Variants in SPAG16 observed in about 807,000 individuals in gnomAD.
SPAG16 encodes sperm associated antigen 16, also known as sperm-associated antigen 16 protein.
A neutral mutation model predicts 80.4 loss-of-function variants in SPAG16; 86 were observed. The ratio of observed to expected loss-of-function variants is 1.07; its 90% confidence interval spans 0.90 to 1.28. SPAG16 has a LOEUF of 1.28. Among genes scored for constraint, SPAG16 ranks in the 50% most tolerant of loss-of-function variants. The pLI is 0.00. For synonymous variants in SPAG16, 294 were observed against 265.9 expected (o/e 1.11, Z -1.03); for missense variants, 870 against 765.3 (o/e 1.14, Z -1.61).
At chr2:214,315,448 A>C (rs1030175811) in intron 15 of SPAG16, among the ~76,000 whole-genome samples, 1 of 152,168 alleles carries the variant, frequency 6.6e-6, no homozygotes, top group Admixed American at 6.5e-5. Context: ...ATCTAAGGAA[A>C]GAATTCGGTT....
intron 8 of SPAG16, among the ~76,000 whole-genome samples, chr2:213,368,749 C>A (rs1470218917): frequency 2.0e-5 from 3 of 152,136 alleles, no homozygotes; most frequent in African/African-American, 7.2e-5. Context: ...GCAAAAATCA[C>A]AAGTATTCTT....
At chr2:213,390,249 T>C (rs567807930) in intron 9 of SPAG16, among the ~76,000 whole-genome samples, 1 of 152,286 alleles carries the variant, frequency 6.6e-6, no homozygotes, top group Non-Finnish European at 1.5e-5. Context: ...GAGGAGTTAC[T>C]GTTTAATGAG....
chr2:214,021,298 G>A (rs766782901), intron 13 of SPAG16, among the ~76,000 whole-genome samples: 1 of 152,170 alleles, frequency 6.6e-6, no homozygotes, highest in African/African-American at 2.4e-5. Context: ...TCACGCTGCT[G>A]ATAAAGACAT....
chr2:214,069,852 G>A (rs1167896713), intron 13 of SPAG16, among the ~76,000 whole-genome samples: 1 of 151,928 alleles, frequency 6.6e-6, no homozygotes, highest in Non-Finnish European at 1.5e-5. Context: ...ATATCAGATA[G>A]ACAACAGACA....
chr2:213,965,378 T>A (rs942408680), intron 12 of SPAG16, among the ~76,000 whole-genome samples: 1 of 152,212 alleles, frequency 6.6e-6, no homozygotes, highest in African/African-American at 2.4e-5. Flanking sequence ...CCTTTTAATT[T>A]TCTGGTTGGT....
intron 12 of SPAG16, among the ~76,000 whole-genome samples, chr2:213,974,828 T>C (rs1179175701): frequency 6.6e-6 from 1 of 151,722 alleles, no homozygotes; most frequent in Non-Finnish European, 1.5e-5. Flanking sequence ...AACCAGCAAA[T>C]GGTAGAGCTG....
chr2:213,953,671 T>G (rs1300866295), intron 12 of SPAG16, among the ~76,000 whole-genome samples: 2 of 151,932 alleles, frequency 1.3e-5, no homozygotes, highest in Admixed American at 1.3e-4. Flanking sequence ...TCATAAAGTT[T>G]ACCAGATTTT....
intron 10 of SPAG16, among the ~76,000 whole-genome samples, chr2:213,628,896 G>A (rs1361946908): frequency 1.3e-5 from 2 of 152,058 alleles, no homozygotes; most frequent in Non-Finnish European, 2.9e-5. Flanking sequence ...TGTCTGTTAA[G>A]CGTGTTGTTT....
At chr2:213,762,338 C>T (rs1218870851) in intron 10 of SPAG16, among the ~76,000 whole-genome samples, 1 of 152,058 alleles carries the variant, frequency 6.6e-6, no homozygotes, top group Non-Finnish European at 1.5e-5. Flanking sequence ...CTGAACTGTA[C>T]ACTTAAAATA....
chr2:213,755,372 G>T (rs1277508846), intron 10 of SPAG16, among the ~76,000 whole-genome samples: 1 of 152,080 alleles, frequency 6.6e-6, no homozygotes, highest in Non-Finnish European at 1.5e-5. Flanking sequence ...AGTCATAGGT[G>T]TCTGTGTAAT....
intron 10 of SPAG16, among the ~76,000 whole-genome samples, chr2:213,702,320 G>A (rs1255237037): frequency 6.6e-6 from 1 of 152,226 alleles, no homozygotes. Flanking sequence ...CAACCCGCTT[G>A]GGTCTCTTTT....
At chr2:213,887,876 A>G (rs886930018) in intron 11 of SPAG16, among the ~76,000 whole-genome samples, 25 of 151,764 alleles carry the variant, frequency 1.6e-4, no homozygotes, top group Non-Finnish European at 1.9e-4. Flanking sequence ...CACTTTTTCT[A>G]TTTAGGTTGT....
At chr2:214,143,024 T>A (rs2055441436) in intron 14 of SPAG16, among the ~76,000 whole-genome samples, 1 of 152,168 alleles carries the variant, frequency 6.6e-6, no homozygotes, top group South Asian at 2.1e-4. Context: ...CCTCAAACTC[T>A]TCAAGGCCTC....
At chr2:214,197,028 A>C (rs1436329688) in intron 15 of SPAG16, among the ~76,000 whole-genome samples, 1 of 152,008 alleles carries the variant, frequency 6.6e-6, no homozygotes, top group East Asian at 1.9e-4. Context: ...TTAAAGGCTT[A>C]AATGGCCCTG....
At chr2:214,058,599 A>G (rs780928907) in intron 13 of SPAG16, among the ~76,000 whole-genome samples, 2 of 152,130 alleles carry the variant, frequency 1.3e-5, no homozygotes, top group Non-Finnish European at 2.9e-5. Context: ...GCAGACGGCA[A>G]AATATTGCTG....
At chr2:213,441,515 C>T (rs1559136410) in intron 9 of SPAG16, among the ~76,000 whole-genome samples, 1 of 152,132 alleles carries the variant, frequency 6.6e-6, no homozygotes, top group African/African-American at 2.4e-5. Flanking sequence ...AGGAGTTGGA[C>T]TTACAAAGTA....
intron 10 of SPAG16, among the ~76,000 whole-genome samples, chr2:213,668,873 C>T (rs1316162479): frequency 6.6e-6 from 1 of 152,136 alleles, no homozygotes; most frequent in Non-Finnish European, 1.5e-5. Context: ...GGGTCTCGGT[C>T]TCCTGACCTC....
chr2:214,058,723 C>G (rs2050073031), intron 13 of SPAG16, among the ~76,000 whole-genome samples: 1 of 152,088 alleles, frequency 6.6e-6, no homozygotes, highest in South Asian at 2.1e-4. Flanking sequence ...TATCTCCTCT[C>G]CCTCTCCATA....
At chr2:214,240,183 G>T (rs1257839610) in intron 15 of SPAG16, 1 of 152,100 alleles carries the variant, frequency 6.6e-6, no homozygotes, top group Non-Finnish European at 1.5e-5. Flanking sequence ...CCTTGCCCTG[G>T]TGGAAAGTCT....
Sources: gnomAD v4.1 joint callset for allele counts (sites outside exome capture counted in the v4.1 genomes callset) on GRCh38, gnomAD v4.1.1 for gene constraint, MANE v1.5 for transcripts, NCBI Gene and HGNC (gene_info 2026-07-23, HGNC 2026-07-21) for gene names.